TOM1L1: variants seen among roughly 807,000 people sequenced by gnomAD.
TOM1L1 encodes the protein TOM1-like protein 1.
A neutral mutation model predicts 63.4 loss-of-function variants in TOM1L1; 64 were observed. The ratio of observed to expected loss-of-function variants is 1.01; its 90% confidence interval spans 0.83 to 1.24. The LOEUF (loss-of-function observed/expected upper bound fraction) is 1.24. Among genes scored for constraint, TOM1L1 ranks in the 50% most tolerant of loss-of-function variants. The probability of loss-of-function intolerance (pLI) is 0.00; values close to 1 mark genes in which losing one functional copy is unlikely to be tolerated. For missense variants in TOM1L1, 536 were observed against 567.0 expected (o/e 0.95, Z 0.55); for synonymous variants, 166 against 194.4 (o/e 0.85, Z 1.22).
At position 54,912,829 on chromosome 17, in the gene TOM1L1, A is replaced by G. The variant is rs369294668; in HGVS notation, c.372+14A>G. On this transcript the variant is annotated intron_variant, in intron 4 of 15. Transcript: ENST00000575882. ...AATTTCATTAAGGTAAGTCTGTTGT[A>G]TACCTCATGGGATGGTAAATTTCTA... is the stretch of plus-strand genomic sequence containing the variant. The G allele has an allele frequency of 3.7e-4, 587 of 1,575,166 alleles. 6 individuals are homozygous for G. In the South Asian group the frequency reaches 4.2e-3, roughly 11 times the overall value.
intron 11 of TOM1L1, among the ~76,000 whole-genome samples, chr17:54,946,760 A>G (rs2049126030): frequency 6.6e-6 from 1 of 152,196 alleles, no homozygotes; most frequent in Admixed American, 6.5e-5. Flanking sequence ...AAAAAACGGT[A>G]AATTCACCAA....
At chr17:54,960,795 TGA>T (rs1386399203) in intron 15 of TOM1L1, among the ~76,000 whole-genome samples, 168 bp downstream of exon 15, 14 of 152,222 alleles carry the variant, frequency 9.2e-5, no homozygotes, top group South Asian at 2.1e-4. Context: ...TGTTCACTAA[TGA>T]GAGTCATTCT....
intron 3 of TOM1L1, among the ~76,000 whole-genome samples, chr17:54,907,471 G>C (rs926274075): frequency 2.0e-5 from 3 of 152,134 alleles, no homozygotes; most frequent in African/African-American, 7.2e-5. Flanking sequence ...ATGCCACTTT[G>C]TTTCTAAGAA....
At chr17:54,951,732 C>G (rs2049245806) in intron 14 of TOM1L1, among the ~76,000 whole-genome samples, 1 of 152,202 alleles carries the variant, frequency 6.6e-6, no homozygotes, top group African/African-American at 2.4e-5. Flanking sequence ...GATACTCTGT[C>G]AACACGAAGC....
At chr17:54,943,441 GGTGT>G (rs10694555) in intron 11 of TOM1L1, among the ~76,000 whole-genome samples, 297 of 134,432 alleles carry the variant, frequency 2.2e-3, no homozygotes, top group East Asian at 1.0e-2. Flanking sequence ...TTTGTATAAT[GGTGT>G]GTGTGTGTGT....
intron 11 of TOM1L1, chr17:54,942,263 A>AT (rs5821080): frequency 0.34 from 47,359 of 140,254 alleles, 8,164 homozygotes; most frequent in African/African-American, 0.43. Context: ...CACCCATCTA[A>AT]TTTTTTTTTT....
chr17:54,917,457 T>G (rs2048609505), intron 7 of TOM1L1: 1 of 152,184 alleles, frequency 6.6e-6, no homozygotes, highest in Admixed American at 6.5e-5. Flanking sequence ...TAAAAATATG[T>G]ACTTTAAACA....
At chr17:54,920,800 A>T (rs2958911) in intron 7 of TOM1L1, among the ~76,000 whole-genome samples, 1 of 152,220 alleles carries the variant, frequency 6.6e-6, no homozygotes, top group Non-Finnish European at 1.5e-5. Context: ...AGAATCTAGG[A>T]ATCTCTGCAG....
chr17:54,941,588 C>A (rs1265121221), intron 11 of TOM1L1, among the ~76,000 whole-genome samples: 1 of 152,190 alleles, frequency 6.6e-6, no homozygotes. Flanking sequence ...TCTTGCTAAT[C>A]TTGTTGGGTA....
chr17:54,936,771 C>G, intron 9 of TOM1L1, 62 bp downstream of exon 9: 1 of 1,408,676 alleles, frequency 7.1e-7, no homozygotes, highest in Non-Finnish European at 9.8e-7. Context: ...CAGTGAGAAG[C>G]AAGGCTTACC....
chr17:54,932,415 C>G (rs1284715726), intron 8 of TOM1L1, among the ~76,000 whole-genome samples: 5 of 152,094 alleles, frequency 3.3e-5, no homozygotes, highest in Non-Finnish European at 7.4e-5. Context: ...AACTACCAGG[C>G]CTAGGGTGTG....
At chr17:54,956,037 T>C (rs1266775560) in intron 14 of TOM1L1, among the ~76,000 whole-genome samples, 1 of 151,796 alleles carries the variant, frequency 6.6e-6, no homozygotes, top group African/African-American at 2.4e-5. Flanking sequence ...ATAAGGGAGG[T>C]CAAGTCAGGG....
At chr17:54,920,552 A>C (rs987989349) in intron 7 of TOM1L1, among the ~76,000 whole-genome samples, 1 of 152,222 alleles carries the variant, frequency 6.6e-6, no homozygotes, top group Non-Finnish European at 1.5e-5. Flanking sequence ...ACCAGCTCAG[A>C]GCTCACAGCC....
At chr17:54,921,007 C>G (rs2048675171) in intron 7 of TOM1L1, among the ~76,000 whole-genome samples, 1 of 152,042 alleles carries the variant, frequency 6.6e-6, no homozygotes, top group South Asian at 2.1e-4. Flanking sequence ...TTTTCTGATT[C>G]ACTGACTTTC....
intron 9 of TOM1L1, 53 bp from the exon 10 acceptor site, chr17:54,937,056 G>A: frequency 7.0e-7 from 1 of 1,420,192 alleles, no homozygotes; most frequent in Non-Finnish European, 9.9e-7. Flanking sequence ...AGTATGGGGA[G>A]AAAGCTGTGA....
At chr17:54,905,700 G>A in intron 3 of TOM1L1, 133 bp downstream of exon 3, 1 of 559,614 alleles carries the variant, frequency 1.8e-6, no homozygotes, top group South Asian at 2.7e-5. Context: ...TGTACAGTAT[G>A]ACTTAAAACT....
chr17:54,948,109 T>A (rs1033914332), intron 12 of TOM1L1, among the ~76,000 whole-genome samples: 1 of 152,148 alleles, frequency 6.6e-6, no homozygotes, highest in African/African-American at 2.4e-5. Context: ...TTTTAAAATA[T>A]GTCAATTATT....
intron 8 of TOM1L1, among the ~76,000 whole-genome samples, chr17:54,931,468 C>T (rs1367104110): frequency 1.3e-5 from 2 of 152,116 alleles, no homozygotes; most frequent in Admixed American, 1.3e-4. Flanking sequence ...TTTCTTCCCA[C>T]TTATCATGAG....
chr17:54,920,019 A>AT (rs995643272), intron 7 of TOM1L1, among the ~76,000 whole-genome samples: 18 of 151,210 alleles, frequency 1.2e-4, no homozygotes, highest in Admixed American at 5.9e-4. Flanking sequence ...TTATTTATTC[A>AT]TTTTTTCCCC....
Sources: allele counts gnomAD v4.1 joint callset (sites outside exome capture counted in the v4.1 genomes callset), GRCh38; gene constraint gnomAD v4.1.1; transcripts MANE v1.5; gene names NCBI Gene and HGNC (gene_info 2026-07-23, HGNC 2026-07-21).